HABP4: variants seen among roughly 807,000 people sequenced by gnomAD.
The protein encoded by HABP4 is intracellular hyaluronan-binding protein 4.
In HABP4, 32 loss-of-function variants were observed where a neutral mutation model predicts 44.1. The observed-to-expected ratio is 0.73, with a 90% CI of 0.55 to 0.97. HABP4 has a LOEUF of 0.97. Ranked by LOEUF, HABP4 falls within the 50% of genes least tolerant of loss-of-function variation. The pLI is 0.00. For missense variants in HABP4, 503 were observed against 561.9 expected (o/e 0.90, Z 1.06); for synonymous variants, 216 against 218.0 (o/e 0.99, Z 0.08).
intron 4 of HABP4, 133 bp downstream of exon 4, chr9:96,465,911 G>T: frequency 1.7e-6 from 1 of 595,482 alleles, no homozygotes; most frequent in Non-Finnish European, 3.1e-6. Flanking sequence ...TTGATTTTAG[G>T]CTTTTGTTTC....
intron 7 of HABP4, among the ~76,000 whole-genome samples, chr9:96,489,500 CCTT>C (rs1329617409): frequency 2.0e-5 from 3 of 151,910 alleles, no homozygotes; most frequent in African/African-American, 4.8e-5. Flanking sequence ...CCAGGGAGAA[CCTT>C]CTCTTCCCAC....
In HABP4 at chr9:96,484,601, G is replaced by T. The variant is rs760357328; in HGVS notation, c.967G>T (p.Val323Leu). ...KPESTVPSKA[V>L]VIHKSKYRDD... The stretch of plus-strand genomic sequence containing the variant: ...AGAATCCACTGTTCCTTCCAAAGCC[G>T]TGGTGATTCACAAGTCAAAATACAG... The change falls in exon 6 of 8, where the codon GTG becomes TTG. Residue 323 changes from valine to leucine, a missense_variant. This residue lies in a region of HABP4 where 131 missense variants were observed against 189.8 expected (regional missense o/e 0.69). Coordinates refer to ENST00000375249, the MANE Select transcript of HABP4 (RefSeq NM_014282.4). 1 of 1,597,094 alleles carries T rather than the reference G, an allele frequency of 6.3e-7. No individual in the cohort carries two copies. Among genetic ancestry groups the T allele is most frequent in the African/African-American group, 1.3e-5 (1 of 74,588 alleles).
At chr9:96,485,819 G>T (rs1361611720) in intron 6 of HABP4, among the ~76,000 whole-genome samples, 1 of 152,034 alleles carries the variant, frequency 6.6e-6, no homozygotes, top group Non-Finnish European at 1.5e-5. Context: ...CTCTCTGTGG[G>T]GTATTAGTTA....
chr9:96,486,001 T>A (rs1832969455), intron 6 of HABP4, among the ~76,000 whole-genome samples: 1 of 152,138 alleles, frequency 6.6e-6, no homozygotes, highest in Non-Finnish European at 1.5e-5. Context: ...GAGACCAGCC[T>A]AGCCAACATA....
chr9:96,456,614 G>C (rs1832380275), intron 1 of HABP4, among the ~76,000 whole-genome samples: 2 of 151,142 alleles, frequency 1.3e-5, no homozygotes, highest in Non-Finnish European at 3.0e-5. Context: ...CAAAAAATTA[G>C]CTGGGCGTGG....
At chr9:96,477,981 T>C (rs1021886290) in intron 5 of HABP4, among the ~76,000 whole-genome samples, 2 of 152,240 alleles carry the variant, frequency 1.3e-5, no homozygotes, top group African/African-American at 4.8e-5. Flanking sequence ...TGGTCTGTGT[T>C]CTTTCTCCGA....
At chr9:96,463,321 C>T (rs1214363240) in intron 2 of HABP4, among the ~76,000 whole-genome samples, 1 of 152,082 alleles carries the variant, frequency 6.6e-6, no homozygotes, top group Non-Finnish European at 1.5e-5. Flanking sequence ...GTGGTGCCAT[C>T]TCGGCTCACT....
At chr9:96,459,469 G>A (rs1237882155) in intron 2 of HABP4, among the ~76,000 whole-genome samples, 1 of 152,088 alleles carries the variant, frequency 6.6e-6, no homozygotes, top group African/African-American at 2.4e-5. Context: ...ACACGGGGAG[G>A]GGTTGTGTCT....
Position 96,450,604 on chromosome 9 carries a change from C to T in HABP4, c.325C>T (p.Pro109Ser), listed in dbSNP as rs1027326347. ...GCCCGTCGCTCAGCGGCCCGATAGC[C>T]CCGGGGGCGGCCTGCAGGCGCCGGG... The part of the protein sequence containing the change: ...PAPVAQRPDS[P>S]GGGLQAPGQK... Residue 109 changes from proline to serine, a missense_variant, in exon 1 of 8, where the codon CCC (proline) becomes TCC (serine). Physicochemically the swap from Pro to Ser is moderately conservative, Grantham distance 74. This residue lies in a region of HABP4 where 290 missense variants were observed against 300.5 expected (regional missense o/e 0.97). Coordinates refer to ENST00000375249, the MANE Select transcript of HABP4 (RefSeq NM_014282.4). The surrounding 1 kb of genome is among the most constrained non-coding windows in gnomAD (Gnocchi z 4.8). The T allele has an allele frequency of 4.7e-6, 6 of 1,274,632 alleles. No homozygotes were observed. The Admixed American group carries it at 1.2e-4, about 25-fold the overall frequency. The allele number at this position is 1,274,632 out of a possible 1,614,324, so 79.0% of individuals were successfully genotyped here.
chr9:96,451,614 C>T (rs1169983706), intron 1 of HABP4: 12 of 224,128 alleles, frequency 5.4e-5, no homozygotes, highest in Non-Finnish European at 9.0e-5. Flanking sequence ...CCTGAGGAAA[C>T]GTCTCAGGTT....
At chr9:96,460,627 A>T (rs1832484997) in intron 2 of HABP4, among the ~76,000 whole-genome samples, 1 of 152,216 alleles carries the variant, frequency 6.6e-6, no homozygotes. Context: ...AGTCATCTTT[A>T]ATTAGGAACA....
In HABP4 at chr9:96,490,202, C is replaced by T; in HGVS notation, c.*164C>T. 1 of 611,154 alleles carries T rather than the reference C, an allele frequency of 1.6e-6. No individual in the cohort carries two copies. The highest frequency in any genetic ancestry group is 2.0e-5 in the South Asian group (1 of 50,986). 37.9% of individuals were successfully genotyped at this position (611,154 alleles called of 1,614,324 possible). A position where few individuals can be genotyped will look rare whatever the true frequency, so the allele number is the denominator to read the frequency against. ...GGCTGAGCTGTTAGAGGGGCTTCTC[C>T]AGAGGCTCGAGAGCAGGCCATTTCC... On this transcript the variant is annotated 3_prime_UTR_variant, in exon 8 of 8. Coordinates refer to ENST00000375249, the MANE Select transcript of HABP4 (RefSeq NM_014282.4).
chr9:96,472,972 C>G (rs1481471950), intron 5 of HABP4, among the ~76,000 whole-genome samples: 1 of 152,198 alleles, frequency 6.6e-6, no homozygotes, highest in Non-Finnish European at 1.5e-5. Flanking sequence ...TGTGATCACT[C>G]TGCTCTTCTT....
chr9:96,456,780 A>AAAAATATAT (rs1554724388), intron 1 of HABP4, among the ~76,000 whole-genome samples: 1 of 44,770 alleles, frequency 2.2e-5, no homozygotes, highest in Non-Finnish European at 3.8e-5. Flanking sequence ...AAAAAAAAAA[A>AAAAATATAT]ATATATATAT....
At chr9:96,478,955 T>C (rs1832831560) in intron 5 of HABP4, among the ~76,000 whole-genome samples, 1 of 152,172 alleles carries the variant, frequency 6.6e-6, no homozygotes, top group Non-Finnish European at 1.5e-5. Context: ...ATTTCCCTAA[T>C]GACTAATAAT....
chr9:96,454,366 T>C (rs1355801655), intron 1 of HABP4, among the ~76,000 whole-genome samples: 1 of 152,204 alleles, frequency 6.6e-6, no homozygotes, highest in Non-Finnish European at 1.5e-5. Context: ...TGATCTGTTA[T>C]AATTTTCAAC....
chr9:96,465,176 A>G (rs112855499), intron 2 of HABP4, among the ~76,000 whole-genome samples, 161 bp from the exon 3 acceptor site: 9 of 152,352 alleles, frequency 5.9e-5, no homozygotes, highest in African/African-American at 2.2e-4. Context: ...TGCCAGGTAT[A>G]TAGTCTATAG....
intron 5 of HABP4, among the ~76,000 whole-genome samples, chr9:96,472,565 C>T (rs1832716025): frequency 6.6e-6 from 1 of 152,202 alleles, no homozygotes; most frequent in Admixed American, 6.5e-5. Context: ...GCTGCCATCC[C>T]CCCCGACCTC....
chr9:96,479,737 C>G (rs1291360820), intron 5 of HABP4, among the ~76,000 whole-genome samples: 1 of 152,044 alleles, frequency 6.6e-6, no homozygotes, highest in Admixed American at 6.6e-5. Flanking sequence ...TGTCGATCTC[C>G]TGACCTCAGG....
Sources: gnomAD v4.1 joint callset for allele counts (sites outside exome capture counted in the v4.1 genomes callset) on GRCh38, gnomAD v4.1.1 for gene constraint, gnomAD v4.1.1 regional missense constraint, Gnocchi (gnomAD v3.1) non-coding constraint, MANE v1.5 for transcripts, NCBI Gene and HGNC (gene_info 2026-07-23, HGNC 2026-07-21) for gene names.